Variants in RAB33A observed in about 807,000 individuals in gnomAD.
RAB33A encodes ras-related protein Rab-33A.
In RAB33A, 6 loss-of-function variants were observed where a neutral mutation model predicts 12.0. The ratio of observed to expected loss-of-function variants is 0.50; its 90% CI spans 0.27 to 0.99. The LOEUF (loss-of-function observed/expected upper bound fraction) is 0.99. Ranked by LOEUF, RAB33A falls within the 50% of genes least tolerant of loss-of-function variation. The pLI, the probability that RAB33A is intolerant of heterozygous loss-of-function variation, is 0.11. For missense variants in RAB33A, 109 were observed against 192.0 expected (o/e 0.57, Z 2.55); for synonymous variants, 70 against 82.4 (o/e 0.85, Z 0.81).
At chrX:130,120,995 G>C in the RAB33A span, among the ~76,000 whole-genome samples, 3 of 112,653 alleles carry the variant, frequency 2.7e-5, no homozygotes, top group Admixed American at 9.3e-5. Flanking sequence ...TCCCTTCGCC[G>C]CCTCAGCCCC....
At chrX:130,180,258 G>A (rs1316761563) in intron 1 of RAB33A, among the ~76,000 whole-genome samples, 2 of 111,729 alleles carry the variant, frequency 1.8e-5, no homozygotes, top group African/African-American at 6.5e-5. Context: ...CTGAAGAGGT[G>A]AATGGCATGC....
the RAB33A span, among the ~76,000 whole-genome samples, chrX:130,161,330 G>C: frequency 9.1e-6 from 1 of 109,505 alleles, no homozygotes; most frequent in Non-Finnish European, 1.9e-5. Context: ...GGCCAATACA[G>C]TGAAACCCCG....
At chrX:130,150,380 G>C in the RAB33A span, among the ~76,000 whole-genome samples, 1 of 81,241 alleles carries the variant, frequency 1.2e-5, no homozygotes, top group Admixed American at 1.6e-4. Context: ...CTGTTGCCCA[G>C]GCTGGAGTGC....
the RAB33A span, among the ~76,000 whole-genome samples, chrX:130,132,429 T>G: frequency 8.9e-6 from 1 of 112,933 alleles, no homozygotes; most frequent in African/African-American, 3.2e-5. Flanking sequence ...TATTCACTAC[T>G]TTTGTCTTGA....
the RAB33A span, among the ~76,000 whole-genome samples, chrX:130,155,856 TC>T: frequency 8.9e-6 from 1 of 111,871 alleles, no homozygotes. Context: ...TGATCGGAGT[TC>T]ATTTAAGGAG....
the RAB33A span, chrX:130,140,757 C>G: frequency 1.3e-4 from 65 of 510,325 alleles, no homozygotes; most frequent in Non-Finnish European, 8.2e-5. Flanking sequence ...AAGGTTGTGC[C>G]ACCATCACCA....
chrX:130,162,417 G>T, the RAB33A span, among the ~76,000 whole-genome samples: 1 of 111,875 alleles, frequency 8.9e-6, no homozygotes, highest in Non-Finnish European at 1.9e-5. Context: ...GTTAGGAACT[G>T]GTTCTCTACT....
the RAB33A span, chrX:130,165,734 G>C: frequency 1.2e-6 from 1 of 844,563 alleles, no homozygotes; most frequent in East Asian, 3.4e-5. Flanking sequence ...CGTGAGCCCC[G>C]GCCAGCTCCC....
chrX:130,121,233 C>CT, the RAB33A span, among the ~76,000 whole-genome samples: 2 of 108,732 alleles, frequency 1.8e-5, no homozygotes, highest in African/African-American at 6.7e-5. Context: ...TCAATCCTTT[C>CT]TTTTTTTTCT....
chrX:130,155,248 G>C, the RAB33A span: 1 of 1,208,546 alleles, frequency 8.3e-7, no homozygotes, highest in Non-Finnish European at 1.1e-6. Flanking sequence ...GTAGATGCTA[G>C]TGATCTAGAA....
chrX:130,155,089 A>G, the RAB33A span: 1 of 1,152,842 alleles, frequency 8.7e-7, no homozygotes, highest in South Asian at 1.8e-5. Flanking sequence ...CTAATGTATC[A>G]AGTTTTCATT....
chrX:130,162,337 A>G, the RAB33A span, among the ~76,000 whole-genome samples: 1 of 111,624 alleles, frequency 9.0e-6, no homozygotes, highest in Non-Finnish European at 1.9e-5. Context: ...TATATACCAA[A>G]CTTGTCTGAT....
the RAB33A span, among the ~76,000 whole-genome samples, chrX:130,127,691 CTTT>C: frequency 1.3e-5 from 1 of 77,026 alleles, no homozygotes. Flanking sequence ...ATGAGTTTTC[CTTT>C]TTTTTTTTTT....
chrX:130,149,582 C>A, the RAB33A span: 1 of 1,129,086 alleles, frequency 8.9e-7, no homozygotes, highest in African/African-American at 1.8e-5. Flanking sequence ...CGGATCCAAA[C>A]ATGGAGAAAG....
intron 1 of RAB33A, among the ~76,000 whole-genome samples, chrX:130,181,952 TAATA>T (rs1213722677): frequency 4.6e-5 from 5 of 107,611 alleles, no homozygotes; most frequent in South Asian, 4.0e-4. Flanking sequence ...CATCTCAAAA[TAATA>T]AATAAATAAA....
the RAB33A span, among the ~76,000 whole-genome samples, chrX:130,127,309 G>A: frequency 2.7e-5 from 3 of 111,345 alleles, no homozygotes; most frequent in Admixed American, 9.6e-5. Flanking sequence ...TTCTGTGGAC[G>A]TAGCTCATTG....
chrX:130,119,658 G>A, the RAB33A span, among the ~76,000 whole-genome samples: 3 of 112,193 alleles, frequency 2.7e-5, no homozygotes, highest in African/African-American at 6.5e-5. Flanking sequence ...AAAAAGGCCC[G>A]GGCTCTGAGG....
chrX:130,175,432 G>C (rs1485225356), intron 1 of RAB33A, among the ~76,000 whole-genome samples: 2 of 110,516 alleles, frequency 1.8e-5, no homozygotes, highest in African/African-American at 6.6e-5. Context: ...AGGCCCCCAG[G>C]AGCCTTTCAG....
chrX:130,128,627 A>G, the RAB33A span, among the ~76,000 whole-genome samples: 1 of 112,626 alleles, frequency 8.9e-6, no homozygotes, highest in Non-Finnish European at 1.9e-5. Context: ...AAAATGCCAA[A>G]CAATGAGTTG....
Sources: allele counts gnomAD v4.1 joint callset (sites outside exome capture counted in the v4.1 genomes callset), GRCh38; gene constraint gnomAD v4.1.1; transcripts MANE v1.5; gene names NCBI Gene and HGNC (gene_info 2026-07-23, HGNC 2026-07-21).